The following ABCC1 variants were observed in gnomAD, a reference collection of about 807,000 sequenced individuals.
The protein encoded by ABCC1 is ATP binding cassette subfamily C member 1 (ABCC1 blood group), also known as multidrug resistance-associated protein 1.
Under a neutral mutation model 172.9 loss-of-function variants are expected in ABCC1, and 83 were observed. That is an observed-to-expected ratio of 0.48 (90% confidence interval 0.40 to 0.58). The LOEUF (loss-of-function observed/expected upper bound fraction) is 0.58, where lower values mean the gene tolerates loss of function less well. Among genes scored for constraint, ABCC1 ranks in the 20% least tolerant of loss-of-function variants. The probability of loss-of-function intolerance (pLI) is 0.00; values close to 1 mark genes in which losing one functional copy is unlikely to be tolerated. For missense variants in ABCC1, 1,817 were observed against 2,002.7 expected (o/e 0.91, Z 1.77); for synonymous variants, 937 against 825.2 (o/e 1.14, Z -2.32).
intron 11 of ABCC1, 145 bp from the exon 12 acceptor site, chr16:16,055,947 T>G: frequency 1.3e-6 from 1 of 749,712 alleles, no homozygotes; most frequent in Non-Finnish European, 2.1e-6. Context: ...CCCATCTCTA[T>G]TGAAAAGAAA....
At chr16:16,073,161 C>T (rs946187221) in intron 14 of ABCC1, among the ~76,000 whole-genome samples, 15 of 152,102 alleles carry the variant, frequency 9.9e-5, no homozygotes, top group African/African-American at 3.6e-4. Context: ...CCAACTTGTC[C>T]ATTACTCACC....
At chr16:16,012,643 T>C (rs1222510078) in intron 3 of ABCC1, among the ~76,000 whole-genome samples, 1 of 152,050 alleles carries the variant, frequency 6.6e-6, no homozygotes, top group East Asian at 1.9e-4. Flanking sequence ...TCAGCTGTTT[T>C]TGACTTGAGT....
chr16:16,102,749 G>A (rs2051825989), intron 20 of ABCC1, 32 bp downstream of exon 20: 1 of 1,547,696 alleles, frequency 6.5e-7, no homozygotes. Flanking sequence ...CCAACCTAAG[G>A]ACCCTGCCCT....
intron 13 of ABCC1, among the ~76,000 whole-genome samples, chr16:16,070,460 G>C (rs1221375992): frequency 6.6e-6 from 1 of 152,052 alleles, no homozygotes; most frequent in Non-Finnish European, 1.5e-5. Context: ...GTCAGGAGAT[G>C]GAGACCATCC....
At chr16:16,043,551 C>T (rs1208781175) in intron 7 of ABCC1, among the ~76,000 whole-genome samples, 2 of 151,804 alleles carry the variant, frequency 1.3e-5, no homozygotes, top group African/African-American at 2.4e-5. Context: ...CTGCCCACCT[C>T]GGCCTCCCAT....
Position 15,949,633 on chromosome 16 carries a change from C to CGCCGCCGCCAGCGCT in ABCC1, c.-119_-118insGCCGCCGCCAGCGCT, listed in dbSNP as rs1555470995. 1 of 684,360 alleles carries CGCCGCCGCCAGCGCT rather than the reference C, an allele frequency of 1.5e-6. No homozygotes were observed. Among genetic ancestry groups the CGCCGCCGCCAGCGCT allele is most frequent in the African/African-American group, 1.9e-5 (1 of 51,378 alleles). The allele number at this position is 684,360 out of a possible 1,614,324, so 42.4% of individuals were successfully genotyped here. On this transcript the variant is annotated 5_prime_UTR_variant, in exon 1 of 31. Transcript: ENST00000399410. ...CCTGCGCCGCCGCCGCCGCCGCCGCCAGCGCTAGCGCCAGCAGCCGGGCCC... is the reference window on the plus strand; with the variant it reads ...CCTGCGCCGCCGCCGCCGCCGCCGCCGCCGCCGCCAGCGCTAGCGCTAGCGCCAGCAGCCGGGCCC...
chr16:16,018,988 G>A (rs1183662613), intron 5 of ABCC1, among the ~76,000 whole-genome samples: 1 of 152,130 alleles, frequency 6.6e-6, no homozygotes, highest in Non-Finnish European at 1.5e-5. Context: ...GGGCTCATGA[G>A]TCAGTGGCTG....
intron 3 of ABCC1, among the ~76,000 whole-genome samples, chr16:16,013,075 G>A (rs2047853450): frequency 6.6e-6 from 1 of 152,088 alleles, no homozygotes; most frequent in African/African-American, 2.4e-5. Flanking sequence ...ACTCCTCAGG[G>A]GACTCTGAGC....
chr16:16,102,728 G>C lies in ABCC1; in HGVS notation c.2735+11G>C. The C allele has an allele frequency of 1.3e-6, 2 of 1,563,040 alleles. No individual in the cohort carries two copies. The highest frequency in any genetic ancestry group is 1.7e-6 in the Non-Finnish European group (2 of 1,153,448). On this transcript the variant is annotated intron_variant, in intron 20 of 30. Coordinates refer to ENST00000399410, the MANE Select transcript of ABCC1 (RefSeq NM_004996.4). ...GAAGCAACTGCAGAGGTAAGGGCGG[G>C]GAGGAAGGCCCCAACCTAAGGACCC...
chr16:16,069,241 G>GTGTGCCCC (rs1351473208), intron 13 of ABCC1, among the ~76,000 whole-genome samples: 1 of 151,610 alleles, frequency 6.6e-6, no homozygotes, highest in Admixed American at 6.6e-5. Flanking sequence ...AGGCATGGTG[G>GTGTGCCCC]TGTGCCCCTG....
At chr16:15,978,896 A>G (rs778925828) in intron 1 of ABCC1, among the ~76,000 whole-genome samples, 5 of 152,192 alleles carry the variant, frequency 3.3e-5, no homozygotes, top group African/African-American at 4.8e-5. Flanking sequence ...TACACGGGAC[A>G]GACGTATCCA....
chr16:16,109,467 G>A (rs373554926), intron 21 of ABCC1, among the ~76,000 whole-genome samples: 7 of 152,266 alleles, frequency 4.6e-5, no homozygotes, highest in Admixed American at 6.5e-5. Context: ...GTGAGCCACC[G>A]CACCCAGTCC....
intron 26 of ABCC1, among the ~76,000 whole-genome samples, chr16:16,128,100 G>GT (rs1333517591): frequency 1.3e-5 from 2 of 151,352 alleles, no homozygotes; most frequent in Non-Finnish European, 2.9e-5. Context: ...TATTTCATTA[G>GT]TTTTTATAAT....
chr16:15,975,469 G>C (rs761792663), intron 1 of ABCC1, among the ~76,000 whole-genome samples: 53 of 152,128 alleles, frequency 3.5e-4, no homozygotes, highest in Non-Finnish European at 6.8e-4. Context: ...TGCGTGGTTA[G>C]GCTTTTCTCT....
At chr16:16,099,532 A>G (rs1257305813) in intron 19 of ABCC1, among the ~76,000 whole-genome samples, 1 of 152,224 alleles carries the variant, frequency 6.6e-6, no homozygotes, top group Non-Finnish European at 1.5e-5. Context: ...GAAGGATACC[A>G]GGTAACTCAT....
intron 1 of ABCC1, among the ~76,000 whole-genome samples, chr16:15,972,690 A>G (rs1341249071): frequency 6.6e-6 from 1 of 151,980 alleles, no homozygotes; most frequent in Non-Finnish European, 1.5e-5. Flanking sequence ...GGCAGGAAAA[A>G]TGAGCATTTG....
intron 23 of ABCC1, among the ~76,000 whole-genome samples, chr16:16,116,654 C>T (rs1327574114): frequency 6.6e-6 from 1 of 151,820 alleles, no homozygotes; most frequent in Non-Finnish European, 1.5e-5. Context: ...CATCTGCCTC[C>T]CGGGTTCAAG....
At chr16:16,013,473 G>A (rs28505554) in intron 3 of ABCC1, among the ~76,000 whole-genome samples, 51 of 152,066 alleles carry the variant, frequency 3.4e-4, no homozygotes, top group African/African-American at 1.2e-3. Context: ...GTTTCACCAT[G>A]TTGGCCAGGC....
At chr16:16,080,138 C>T (rs113486740) in intron 16 of ABCC1, among the ~76,000 whole-genome samples, 222 of 152,172 alleles carry the variant, frequency 1.5e-3, no homozygotes, top group African/African-American at 4.8e-3. Context: ...AGTAGACACA[C>T]GAAGACTCCC....
Sources: gnomAD v4.1 joint callset for allele counts (sites outside exome capture counted in the v4.1 genomes callset) on GRCh38, gnomAD v4.1.1 for gene constraint, MANE v1.5 for transcripts, NCBI Gene and HGNC (gene_info 2026-07-23, HGNC 2026-07-21) for gene names.